Variants in IL1RAPL2 observed in about 807,000 individuals in gnomAD.
IL1RAPL2 encodes X-linked interleukin-1 receptor accessory protein-like 2.
IL1RAPL2 carries 3 observed loss-of-function variants against 44.1 expected under a neutral mutation model. The ratio of observed to expected loss-of-function variants is 0.07; its 90% CI spans 0.03 to 0.18. The LOEUF is 0.18. Among genes scored for constraint, IL1RAPL2 ranks in the 10% least tolerant of loss-of-function variants. The pLI is 1.00. For missense variants in IL1RAPL2, 391 were observed against 496.4 expected (o/e 0.79, Z 2.02); for synonymous variants, 181 against 178.8 (o/e 1.01, Z -0.10).
At chrX:104,796,441 T>C (rs1932849970) in intron 2 of IL1RAPL2, among the ~76,000 whole-genome samples, 1 of 112,112 alleles carries the variant, frequency 8.9e-6, no homozygotes, top group African/African-American at 3.2e-5. Flanking sequence ...TTGGCGGTGG[T>C]AGAGAGACTC....
At chrX:105,162,030 G>A (rs1013493820) in intron 2 of IL1RAPL2, among the ~76,000 whole-genome samples, 3 of 111,925 alleles carry the variant, frequency 2.7e-5, no homozygotes, top group Non-Finnish European at 5.6e-5. Flanking sequence ...TTTCAACCCA[G>A]TCTATGCCCA....
At chrX:104,649,044 C>A (rs1420860463) in intron 1 of IL1RAPL2, among the ~76,000 whole-genome samples, 3 of 111,241 alleles carry the variant, frequency 2.7e-5, no homozygotes, top group African/African-American at 9.8e-5. Flanking sequence ...TTTTGAGTCT[C>A]CACTTCTAAT....
At chrX:105,533,305 T>A (rs750411608) in intron 6 of IL1RAPL2, among the ~76,000 whole-genome samples, 1 of 112,485 alleles carries the variant, frequency 8.9e-6, no homozygotes, top group Non-Finnish European at 1.9e-5. Context: ...CATTATAGAT[T>A]TATAGAAGGT....
At chrX:105,081,944 G>A (rs995386605) in intron 2 of IL1RAPL2, among the ~76,000 whole-genome samples, 5 of 111,184 alleles carry the variant, frequency 4.5e-5, no homozygotes, top group Non-Finnish European at 3.8e-5. Context: ...TCTTTTTTTT[G>A]TTATGTCTCC....
chrX:104,654,625 CT>C (rs1359514911), intron 1 of IL1RAPL2, among the ~76,000 whole-genome samples: 1 of 111,454 alleles, frequency 9.0e-6, no homozygotes, highest in Non-Finnish European at 1.9e-5. Flanking sequence ...CAGCTTTGTT[CT>C]TTTTGCTTAG....
At chrX:105,184,792 A>C (rs1372120575) in intron 2 of IL1RAPL2, among the ~76,000 whole-genome samples, 1 of 111,614 alleles carries the variant, frequency 9.0e-6, no homozygotes, top group African/African-American at 3.2e-5. Flanking sequence ...TTGAAAAAAA[A>C]TGTAATGAAT....
chrX:105,641,383 C>T (rs375166970), intron 6 of IL1RAPL2, among the ~76,000 whole-genome samples: 4 of 111,046 alleles, frequency 3.6e-5, no homozygotes, highest in South Asian at 7.6e-4. Flanking sequence ...GTCTGGGGAG[C>T]TCACATCTAT....
At chrX:104,723,044 A>C (rs142340355) in intron 2 of IL1RAPL2, among the ~76,000 whole-genome samples, 2,684 of 111,252 alleles carry the variant, frequency 0.024, 76 homozygotes, top group African/African-American at 0.08. Flanking sequence ...TAGGATGGTC[A>C]TCCCCTTATC....
At chrX:105,710,993 T>C (rs1385159062) in intron 6 of IL1RAPL2, among the ~76,000 whole-genome samples, 1 of 107,081 alleles carries the variant, frequency 9.3e-6, no homozygotes, top group Non-Finnish European at 1.9e-5. Flanking sequence ...TATATATACA[T>C]ACACATACAT....
At chrX:105,129,770 A>G (rs1273986892) in intron 2 of IL1RAPL2, among the ~76,000 whole-genome samples, 3 of 110,663 alleles carry the variant, frequency 2.7e-5, no homozygotes, top group Admixed American at 1.9e-4. Context: ...TTTTTGGTGT[A>G]GATGCCCTCA....
At chrX:104,765,766 A>G (rs1442051697) in intron 2 of IL1RAPL2, among the ~76,000 whole-genome samples, 1 of 111,936 alleles carries the variant, frequency 8.9e-6, no homozygotes, top group Non-Finnish European at 1.9e-5. Context: ...AAATGACTGC[A>G]GTGTCTTGAG....
At chrX:105,426,582 A>ATTCTATAT (rs1429971548) in intron 5 of IL1RAPL2, among the ~76,000 whole-genome samples, 1 of 110,786 alleles carries the variant, frequency 9.0e-6, no homozygotes, top group Non-Finnish European at 1.9e-5. Context: ...GTAATTTATA[A>ATTCTATAT]TTCTATATTT....
chrX:104,809,331 A>G (rs1214975390), intron 2 of IL1RAPL2, among the ~76,000 whole-genome samples: 1 of 111,536 alleles, frequency 9.0e-6, no homozygotes, highest in Non-Finnish European at 1.9e-5. Context: ...GAACTAGTTT[A>G]CAGTCCCACC....
At chrX:105,638,946 A>G (rs1390250200) in intron 6 of IL1RAPL2, among the ~76,000 whole-genome samples, 1 of 112,260 alleles carries the variant, frequency 8.9e-6, no homozygotes, top group African/African-American at 3.2e-5. Context: ...TAGAGAAAAA[A>G]TTACATTAAT....
chrX:104,958,557 A>G (rs1274094208), intron 2 of IL1RAPL2, among the ~76,000 whole-genome samples: 2 of 100,317 alleles, frequency 2.0e-5, no homozygotes, highest in Non-Finnish European at 4.0e-5. Context: ...AGTGCTGGCT[A>G]AAGAGGATCT....
At chrX:104,639,545 T>C (rs1195743479) in intron 1 of IL1RAPL2, among the ~76,000 whole-genome samples, 1 of 111,648 alleles carries the variant, frequency 9.0e-6, no homozygotes, top group Non-Finnish European at 1.9e-5. Flanking sequence ...TTTGGTAGAT[T>C]TCTGTAGTTG....
At chrX:105,707,090 T>C (rs186781236) in intron 6 of IL1RAPL2, among the ~76,000 whole-genome samples, 1 of 111,782 alleles carries the variant, frequency 8.9e-6, no homozygotes, top group Non-Finnish European at 1.9e-5. Flanking sequence ...TGGTATCACC[T>C]GAATACAGCA....
At chrX:105,289,408 G>A (rs765626059) in intron 5 of IL1RAPL2, among the ~76,000 whole-genome samples, 5 of 111,636 alleles carry the variant, frequency 4.5e-5, no homozygotes, top group Non-Finnish European at 7.5e-5. Context: ...AACATAGACT[G>A]AAGGGGGCAA....
At chrX:105,354,288 G>T (rs1184105916) in intron 5 of IL1RAPL2, among the ~76,000 whole-genome samples, 1 of 110,108 alleles carries the variant, frequency 9.1e-6, no homozygotes, top group East Asian at 2.9e-4. Flanking sequence ...TTAAGAAAAT[G>T]TGGCACATAT....
Sources: gnomAD v4.1 joint callset for allele counts (sites outside exome capture counted in the v4.1 genomes callset) on GRCh38, gnomAD v4.1.1 for gene constraint, MANE v1.5 for transcripts, NCBI Gene and HGNC (gene_info 2026-07-23, HGNC 2026-07-21) for gene names.